Variants in DLGAP1 observed in about 807,000 individuals in gnomAD.
The protein encoded by DLGAP1 is disks large-associated protein 1.
Under a neutral mutation model 90.8 loss-of-function variants are expected in DLGAP1, and 11 were observed. The ratio of observed to expected loss-of-function variants is 0.12; its 90% CI spans 0.08 to 0.20. The LOEUF (loss-of-function observed/expected upper bound fraction) is 0.20, where lower values mean the gene tolerates loss of function less well. Ranked by LOEUF, DLGAP1 falls within the 10% of genes least tolerant of loss-of-function variation. The pLI is 1.00. For synonymous variants in DLGAP1, 558 were observed against 540.7 expected, an observed-to-expected ratio of 1.03 and a Z score of -0.44; for missense variants, 1,050 against 1,333.8, an observed-to-expected ratio of 0.79 and a Z score of 3.31.
intron 1 of DLGAP1, among the ~76,000 whole-genome samples, chr18:4,287,190 T>C (rs2079720232): frequency 6.6e-6 from 1 of 152,110 alleles, no homozygotes; most frequent in Non-Finnish European, 1.5e-5. Context: ...TGAGAATAAA[T>C]GATTTGTTAT....
chr18:3,588,102 T>C (rs1406151246), intron 7 of DLGAP1, among the ~76,000 whole-genome samples: 1 of 152,232 alleles, frequency 6.6e-6, no homozygotes, highest in Non-Finnish European at 1.5e-5. Flanking sequence ...TCAGTGACAT[T>C]TTCATTCAGT....
chr18:4,432,924 C>T lies in DLGAP1; in HGVS notation c.-267+22082G>A, dbSNP rs888474733. ...AAGTGTACAATCAGTTCATATAGGT[C>T]TTTTTAAAAAAAACACTAAGTTATT... On this transcript the variant is annotated intron_variant, in intron 1 of 12. Coordinates refer to ENST00000315677, the MANE Select transcript of DLGAP1 (RefSeq NM_004746.4). 1.3e-4 allele frequency among the ~76,000 whole-genome samples: 20 copies of T among 151,960 alleles called. No individual in the cohort carries two copies. In the East Asian group the frequency reaches 2.3e-3, roughly 18 times the overall value.
At chr18:4,185,451 C>T (rs941918954) in intron 1 of DLGAP1, among the ~76,000 whole-genome samples, 2 of 152,000 alleles carry the variant, frequency 1.3e-5, no homozygotes, top group African/African-American at 4.8e-5. Context: ...TTTCATTCGC[C>T]TCTGTATTTA....
At chr18:4,306,210 G>C (rs1407786056) in intron 1 of DLGAP1, among the ~76,000 whole-genome samples, 1 of 152,060 alleles carries the variant, frequency 6.6e-6, no homozygotes, top group Non-Finnish European at 1.5e-5. Flanking sequence ...TCTGAATGAA[G>C]AAAGCTTACT....
At chr18:4,215,976 T>A (rs1260673941) in intron 1 of DLGAP1, among the ~76,000 whole-genome samples, 1 of 152,082 alleles carries the variant, frequency 6.6e-6, no homozygotes, top group Non-Finnish European at 1.5e-5. Context: ...AACACAAAAA[T>A]GTATTGCATC....
rs543743653 is a variant in DLGAP1 at position 4,121,694 on chromosome 18, T to C, written c.-159+29486A>G. 6.6e-5 allele frequency among the ~76,000 whole-genome samples: 10 copies of C among 152,198 alleles called. No homozygotes were observed. The Middle Eastern group carries it at 0.014, about 207-fold the overall frequency. Reference sequence around the variant, plus strand: ...CCACTTGCTCATGCCATACTCAGAGTTGTGCCCAATCTCTCTCCCCTACTG... The same window carrying C: ...CCACTTGCTCATGCCATACTCAGAGCTGTGCCCAATCTCTCTCCCCTACTG... On this transcript the variant is annotated intron_variant, in intron 2 of 12. Coordinates refer to ENST00000315677, the MANE Select transcript of DLGAP1 (RefSeq NM_004746.4).
intron 1 of DLGAP1, among the ~76,000 whole-genome samples, chr18:4,310,850 A>G (rs1382239366): frequency 6.6e-6 from 1 of 152,166 alleles, no homozygotes; most frequent in East Asian, 1.9e-4. Context: ...TCTCATATAT[A>G]AGACACAGCC....
chr18:3,949,990 C>A (rs2072952476), intron 3 of DLGAP1, among the ~76,000 whole-genome samples: 1 of 152,128 alleles, frequency 6.6e-6, no homozygotes, highest in Admixed American at 6.5e-5. Flanking sequence ...ATAGATGCAG[C>A]CTTTTAACAA....
intron 1 of DLGAP1, among the ~76,000 whole-genome samples, chr18:4,306,460 T>TGA (rs1430698648): frequency 0.066 from 3,377 of 51,366 alleles, 122 homozygotes; most frequent in African/African-American, 0.22. Flanking sequence ...TGTGTGTGTG[T>TGA]GTGAGAGAGA....
intron 1 of DLGAP1, among the ~76,000 whole-genome samples, chr18:4,434,921 C>T (rs1374103017): frequency 6.6e-6 from 1 of 152,110 alleles, no homozygotes; most frequent in Non-Finnish European, 1.5e-5. Context: ...AAGCATAAAA[C>T]CTCATGATGT....
chr18:3,709,291 A>G (rs1223738827), intron 7 of DLGAP1, among the ~76,000 whole-genome samples: 7 of 152,126 alleles, frequency 4.6e-5, no homozygotes, highest in Admixed American at 3.3e-4. Context: ...TCTGCCTCCA[A>G]ATATTTACCG....
At chr18:4,019,459 G>C (rs1425229930) in intron 2 of DLGAP1, among the ~76,000 whole-genome samples, 1 of 151,980 alleles carries the variant, frequency 6.6e-6, no homozygotes, top group African/African-American at 2.4e-5. Context: ...ATGCAAAAGA[G>C]TCTTCTTAAA....
At chr18:3,677,864 G>T (rs1022363717) in intron 7 of DLGAP1, among the ~76,000 whole-genome samples, 3 of 151,754 alleles carry the variant, frequency 2.0e-5, no homozygotes, top group Non-Finnish European at 2.9e-5. Flanking sequence ...TCACCATGTT[G>T]GCCAGGCTGG....
chr18:3,589,276 G>A (rs2056096300), intron 7 of DLGAP1, among the ~76,000 whole-genome samples: 1 of 152,204 alleles, frequency 6.6e-6, no homozygotes, highest in African/African-American at 2.4e-5. Flanking sequence ...TGGTGAAGAT[G>A]TTCTGGCAAA....
chr18:3,594,016 A>T (rs1008412558), intron 7 of DLGAP1: 12 of 152,252 alleles, frequency 7.9e-5, no homozygotes, highest in African/African-American at 2.7e-4. Context: ...TAAAGAAAAA[A>T]AAAAAAAAAA....
intron 2 of DLGAP1, among the ~76,000 whole-genome samples, chr18:4,142,384 T>C (rs2076509236): frequency 6.6e-6 from 1 of 152,178 alleles, no homozygotes; most frequent in Admixed American, 6.5e-5. Context: ...ATTAACAACA[T>C]TACCACCCAA....
At chr18:3,587,179 G>A (rs954223418) in intron 7 of DLGAP1, among the ~76,000 whole-genome samples, 1 of 152,012 alleles carries the variant, frequency 6.6e-6, no homozygotes, top group African/African-American at 2.4e-5. Context: ...CTCAGCCTCT[G>A]GAGTAGGTGG....
intron 7 of DLGAP1, among the ~76,000 whole-genome samples, chr18:3,636,466 C>T (rs1186792472): frequency 6.6e-6 from 1 of 151,682 alleles, no homozygotes; most frequent in Admixed American, 6.6e-5. Flanking sequence ...GGCTGGAGTG[C>T]AGTGGCACTA....
rs1435815824 is a variant in DLGAP1 at position 3,879,297 on chromosome 18, T to C, written c.772A>G (p.Lys258Glu). 6.3e-7 allele frequency: 1 copy of C among 1,596,128 alleles called. No homozygotes were observed. Among genetic ancestry groups the C allele is most frequent in the Admixed American group, 1.7e-5 (1 of 58,142 alleles). ...VKASRSNNDV[K>E]CSTCANLPVS... ...GGCAGGTTGGCGCAGGTGGAGCACT[T>C]GACGTCGTTGTTGCTCCGGGAGGCC... The change falls in exon 4 of 13, where the codon AAG becomes GAG. Residue 258 changes from lysine to glutamate, a missense_variant. Physicochemically the swap from Lys to Glu is moderately conservative, Grantham distance 56 (BLOSUM62 1). Transcript: ENST00000315677. This position sits in a 1 kb window ranked among gnomAD's most constrained non-coding sequence, Gnocchi z 6.6.
Sources: gnomAD v4.1 joint callset for allele counts (sites outside exome capture counted in the v4.1 genomes callset) on GRCh38, gnomAD v4.1.1 for gene constraint, Gnocchi (gnomAD v3.1) non-coding constraint, MANE v1.5 for transcripts, NCBI Gene and HGNC (gene_info 2026-07-23, HGNC 2026-07-21) for gene names.